The following CAMKMT variants were observed in gnomAD, a reference collection of about 807,000 sequenced individuals.
CAMKMT encodes calmodulin-lysine N-methyltransferase.
A neutral mutation model predicts 48.0 loss-of-function variants in CAMKMT; 53 were observed. That is an observed-to-expected ratio of 1.10 (90% CI 0.89 to 1.39). The LOEUF is 1.39. CAMKMT is among the 40% of genes most tolerant of loss of function. The pLI, the probability that CAMKMT is intolerant of heterozygous loss-of-function variation, is 0.00. For missense variants in CAMKMT, 428 were observed against 402.7 expected, an observed-to-expected ratio of 1.06 and a Z score of -0.54; for synonymous variants, 165 against 152.3, an observed-to-expected ratio of 1.08 and a Z score of -0.61.
At chr2:44,585,751 G>A (rs143514238) in intron 3 of CAMKMT, among the ~76,000 whole-genome samples, 148 of 152,334 alleles carry the variant, frequency 9.7e-4, no homozygotes, top group African/African-American at 3.4e-3. Flanking sequence ...ACCAAAGATA[G>A]ATGGAAGATG....
rs1217191103 is a variant in CAMKMT, at chr2:44,475,763, T to C, written c.376+85458T>C. Among the ~76,000 whole-genome samples the C allele has an allele frequency of 3.3e-5, 5 of 152,222 alleles. No individual in the cohort carries two copies. In the East Asian group the frequency reaches 5.8e-4, roughly 18 times the overall value. ...AATTTTATTTAAAAAAGAAATCTTA[T>C]GCATGATCTCATTTCAGTGTTGATT... On this transcript the variant is annotated intron_variant, in intron 3 of 10. Transcript: ENST00000378494.
chr2:44,637,026 T>A (rs1010647867), intron 3 of CAMKMT, among the ~76,000 whole-genome samples: 2 of 152,004 alleles, frequency 1.3e-5, no homozygotes, highest in African/African-American at 4.8e-5. Flanking sequence ...TTATAGCAGG[T>A]AAGAGGGGAA....
intron 3 of CAMKMT, among the ~76,000 whole-genome samples, chr2:44,599,461 G>C (rs1558734974): frequency 6.6e-6 from 1 of 152,088 alleles, no homozygotes; most frequent in Non-Finnish European, 1.5e-5. Flanking sequence ...AAAAAATGTA[G>C]ATACATCAAT....
chr2:44,408,322 C>T (rs541641426), intron 3 of CAMKMT, among the ~76,000 whole-genome samples: 2 of 151,960 alleles, frequency 1.3e-5, no homozygotes, highest in Non-Finnish European at 2.9e-5. Flanking sequence ...CCGCGCCTGG[C>T]CGTCTTTTAC....
intron 3 of CAMKMT, among the ~76,000 whole-genome samples, chr2:44,488,804 C>G (rs1441474805): frequency 6.6e-6 from 1 of 151,238 alleles, no homozygotes; most frequent in Non-Finnish European, 1.5e-5. Flanking sequence ...TTTTTAAGCA[C>G]AAGGATACTT....
At chr2:44,736,580 A>G (rs982815614) in intron 7 of CAMKMT, among the ~76,000 whole-genome samples, 15 of 152,150 alleles carry the variant, frequency 9.9e-5, no homozygotes, top group Non-Finnish European at 1.2e-4. Flanking sequence ...TTTTTCAGCC[A>G]TTATTTCTTC....
At chr2:44,538,946 CTGTGTGTGTGTCTGTGTGTGTGTG>C (rs1353153650) in intron 3 of CAMKMT, among the ~76,000 whole-genome samples, 1 of 133,328 alleles carries the variant, frequency 7.5e-6, no homozygotes, top group Non-Finnish European at 1.6e-5. Context: ...CTCTCTCTTT[CTGTGTGTGTGTCTGTGTGTGTGTG>C]TGTGTGTGTG....
At chr2:44,425,257 C>G (rs528480196) in intron 3 of CAMKMT, among the ~76,000 whole-genome samples, 2 of 152,076 alleles carry the variant, frequency 1.3e-5, no homozygotes, top group African/African-American at 4.8e-5. Flanking sequence ...CATTATCTTA[C>G]CAAAAGACAA....
chr2:44,432,873 A>T (rs183808240), intron 3 of CAMKMT, among the ~76,000 whole-genome samples: 17 of 152,204 alleles, frequency 1.1e-4, no homozygotes, highest in African/African-American at 3.8e-4. Flanking sequence ...TCATTCTTTT[A>T]CTAAGATGTT....
Position 44,477,689 on chromosome 2 carries a change from A to G in CAMKMT, c.376+87384A>G, listed in dbSNP as rs145927536. 2.2e-3 allele frequency among the ~76,000 whole-genome samples: 330 copies of G among 152,350 alleles called. 1 individual carries two copies. Among genetic ancestry groups the G allele is most frequent in the African/African-American group, 7.6e-3 (317 of 41,588 alleles). On this transcript the variant is annotated intron_variant, in intron 3 of 10. Coordinates refer to ENST00000378494, the MANE Select transcript of CAMKMT (RefSeq NM_024766.5). ...CTGCCATTTCTTAACTATGAAAGGAATTGAAGAGTCCATCAGAGCTTTTGT... is the reference window on the plus strand; with the variant it reads ...CTGCCATTTCTTAACTATGAAAGGAGTTGAAGAGTCCATCAGAGCTTTTGT...
intron 9 of CAMKMT, among the ~76,000 whole-genome samples, chr2:44,762,109 G>A (rs1680644946): frequency 2.0e-5 from 3 of 152,182 alleles, no homozygotes; most frequent in Admixed American, 2.0e-4. Context: ...AGACAGGTCA[G>A]AGAAGAGAAG....
chr2:44,740,053 G>A (rs1304235877), intron 7 of CAMKMT, among the ~76,000 whole-genome samples: 1 of 151,734 alleles, frequency 6.6e-6, no homozygotes, highest in Non-Finnish European at 1.5e-5. Flanking sequence ...GGCAGAATGT[G>A]TAGATGCAGA....
intron 3 of CAMKMT, among the ~76,000 whole-genome samples, chr2:44,409,972 T>C (rs1404603161): frequency 6.6e-6 from 1 of 152,118 alleles, no homozygotes; most frequent in Non-Finnish European, 1.5e-5. Context: ...AATAATTTGA[T>C]GAACTATAAT....
intron 7 of CAMKMT, among the ~76,000 whole-genome samples, chr2:44,726,228 T>C (rs1167107655): frequency 1.3e-5 from 2 of 152,236 alleles, no homozygotes; most frequent in Admixed American, 6.5e-5. Context: ...GTGGTTGAAC[T>C]AATTTACATT....
In CAMKMT at chr2:44,698,486, C is replaced by G. The variant is rs539504586; in HGVS notation, c.377-5797C>G. On this transcript the variant is annotated intron_variant, in intron 3 of 10. Coordinates refer to ENST00000378494, the MANE Select transcript of CAMKMT (RefSeq NM_024766.5). ...ACACAAATTCTTTGCTTTCCTGGTG[C>G]ATATAAAAGTTTGCACTATACTGTA... Among the ~76,000 whole-genome samples the G allele has an allele frequency of 2.6e-5, 4 of 152,328 alleles. No homozygotes were observed. In the South Asian group the frequency reaches 8.3e-4, roughly 32 times the overall value.
At chr2:44,436,006 G>C (rs1425425324) in intron 3 of CAMKMT, among the ~76,000 whole-genome samples, 1 of 152,178 alleles carries the variant, frequency 6.6e-6, no homozygotes. Context: ...GGCTCTGTGA[G>C]GTTAAGGAGA....
chr2:44,390,529 G>C (rs887306183), intron 3 of CAMKMT, among the ~76,000 whole-genome samples: 1 of 151,646 alleles, frequency 6.6e-6, no homozygotes, highest in Non-Finnish European at 1.5e-5. Flanking sequence ...GTGTGTGTGT[G>C]GGGGGGAGGT....
chr2:44,392,653 A>G (rs189680174), intron 3 of CAMKMT, among the ~76,000 whole-genome samples: 1 of 152,060 alleles, frequency 6.6e-6, no homozygotes, highest in Non-Finnish European at 1.5e-5. Context: ...AGATGTGTCT[A>G]AACATTTCTA....
chr2:44,731,184 T>C (rs1679060976), intron 7 of CAMKMT, among the ~76,000 whole-genome samples: 1 of 152,068 alleles, frequency 6.6e-6, no homozygotes, highest in Non-Finnish European at 1.5e-5. Context: ...CTACTATAAG[T>C]ACAAAAATTA....
Sources: gnomAD v4.1 joint callset for allele counts (sites outside exome capture counted in the v4.1 genomes callset) on GRCh38, gnomAD v4.1.1 for gene constraint, MANE v1.5 for transcripts, NCBI Gene and HGNC (gene_info 2026-07-23, HGNC 2026-07-21) for gene names.